ADAMTS3: variants seen among roughly 807,000 people sequenced by gnomAD.
The protein encoded by ADAMTS3 is ADAM metallopeptidase with thrombospondin type 1 motif 3, also known as A disintegrin and metalloproteinase with thrombospondin motifs 3.
A neutral mutation model predicts 129.0 loss-of-function variants in ADAMTS3; 73 were observed. That is an observed-to-expected ratio of 0.57 (90% confidence interval 0.47 to 0.69). The LOEUF (loss-of-function observed/expected upper bound fraction) is 0.69, where lower values mean the gene tolerates loss of function less well. Ranked by LOEUF, ADAMTS3 falls within the 30% of genes least tolerant of loss-of-function variation. The probability of loss-of-function intolerance (pLI) is 0.00; values close to 1 mark genes in which losing one functional copy is unlikely to be tolerated. For synonymous variants in ADAMTS3, 477 were observed against 510.8 expected (o/e 0.93, Z 0.89); for missense variants, 1,457 against 1,514.5 (o/e 0.96, Z 0.63).
At chr4:72,470,503 C>T (rs1249014601) in intron 3 of ADAMTS3, among the ~76,000 whole-genome samples, 1 of 150,988 alleles carries the variant, frequency 6.6e-6, no homozygotes, top group East Asian at 1.9e-4. Context: ...ATAATACACA[C>T]ACATTCTTAA....
intron 4 of ADAMTS3, among the ~76,000 whole-genome samples, chr4:72,366,499 ATTAT>A (rs1490355635): frequency 6.6e-6 from 1 of 152,168 alleles, no homozygotes; most frequent in African/African-American, 2.4e-5. Context: ...TGGAGATGTG[ATTAT>A]TTGTTTTCCC....
chr4:72,499,531 A>G (rs1214715024), intron 3 of ADAMTS3, among the ~76,000 whole-genome samples: 3 of 152,136 alleles, frequency 2.0e-5, no homozygotes, highest in Non-Finnish European at 4.4e-5. Flanking sequence ...TCAACTTCCT[A>G]TATTACACCG....
At chr4:72,477,998 G>T (rs1438389945) in intron 3 of ADAMTS3, among the ~76,000 whole-genome samples, 2 of 152,138 alleles carry the variant, frequency 1.3e-5, no homozygotes, top group South Asian at 2.1e-4. Context: ...CCAGGAAGAA[G>T]TTGAATCTCT....
intron 21 of ADAMTS3, among the ~76,000 whole-genome samples, chr4:72,283,936 A>G (rs1428994692): frequency 6.6e-6 from 1 of 152,166 alleles, no homozygotes; most frequent in African/African-American, 2.4e-5. Context: ...TAATATTTCC[A>G]CCAGGAGTCT....
chr4:72,460,994 T>G (rs942733592), intron 3 of ADAMTS3, among the ~76,000 whole-genome samples: 3 of 151,560 alleles, frequency 2.0e-5, no homozygotes, highest in African/African-American at 7.3e-5. Context: ...AAAGTAAAGG[T>G]TAAATACATT....
chr4:72,352,864 C>A (rs531558750), intron 4 of ADAMTS3, among the ~76,000 whole-genome samples: 1 of 152,022 alleles, frequency 6.6e-6, no homozygotes, highest in South Asian at 2.1e-4. Context: ...GAGGATGGAG[C>A]AAAACTAAGT....
intron 19 of ADAMTS3, 75 bp downstream of exon 19, chr4:72,295,574 AAAATC>A: frequency 6.9e-7 from 1 of 1,452,102 alleles, no homozygotes; most frequent in Non-Finnish European, 9.3e-7. Flanking sequence ...GACTGAAAAT[AAAATC>A]AAAACTAAAA....
chr4:72,536,855 T>C (rs1721196148), intron 3 of ADAMTS3, among the ~76,000 whole-genome samples: 1 of 152,202 alleles, frequency 6.6e-6, no homozygotes, highest in Non-Finnish European at 1.5e-5. Flanking sequence ...TTGGCCACTA[T>C]TCGTTTTCAT....
chr4:72,317,798 C>T (rs539914452), intron 10 of ADAMTS3, among the ~76,000 whole-genome samples: 14 of 152,152 alleles, frequency 9.2e-5, no homozygotes, highest in African/African-American at 1.7e-4. Flanking sequence ...GAGGCCAAGG[C>T]GGGCAGATCA....
chr4:72,301,798 G>A (rs1718956724), intron 17 of ADAMTS3, among the ~76,000 whole-genome samples: 1 of 151,944 alleles, frequency 6.6e-6, no homozygotes, highest in Admixed American at 6.6e-5. Flanking sequence ...TTCCTGACAA[G>A]GGCCAGGTTC....
intron 4 of ADAMTS3, among the ~76,000 whole-genome samples, chr4:72,403,401 T>C (rs77603277): frequency 0.045 from 6,793 of 152,072 alleles, 172 homozygotes; most frequent in Non-Finnish European, 0.052. Context: ...TGATTCCTTT[T>C]TACTCACACA....
At chr4:72,373,114 T>C (rs749737852) in intron 4 of ADAMTS3, among the ~76,000 whole-genome samples, 5 of 152,184 alleles carry the variant, frequency 3.3e-5, no homozygotes, top group African/African-American at 4.8e-5. Context: ...AAAAATTACA[T>C]GGAAACGGAA....
intron 3 of ADAMTS3, among the ~76,000 whole-genome samples, chr4:72,447,933 A>C (rs998055966): frequency 6.6e-6 from 1 of 151,764 alleles, no homozygotes; most frequent in Admixed American, 6.6e-5. Context: ...AATGCTACTT[A>C]CACAAAACTT....
intron 3 of ADAMTS3, among the ~76,000 whole-genome samples, chr4:72,496,204 G>C (rs145810078): frequency 6.6e-6 from 1 of 152,280 alleles, no homozygotes; most frequent in African/African-American, 2.4e-5. Flanking sequence ...ATAAAATCTG[G>C]AATGATTAAC....
At chr4:72,437,025 G>T (rs1364961289) in intron 3 of ADAMTS3, among the ~76,000 whole-genome samples, 3 of 151,354 alleles carry the variant, frequency 2.0e-5, no homozygotes, top group African/African-American at 7.3e-5. Flanking sequence ...AAAAAGAGGT[G>T]GTAGAGAAAT....
rs535681675 is a variant in ADAMTS3 at position 72,563,981 on chromosome 4, G to A, written c.97+3393C>T. 6.6e-5 allele frequency among the ~76,000 whole-genome samples: 10 copies of A among 152,196 alleles called. No individual in the cohort carries two copies. In the South Asian group the frequency reaches 1.9e-3, roughly 28 times the overall value. ...TGACTCACACTAAACCTTACAAACT[G>A]AAACCTGAAAATGGTGAAAAATTAT... On this transcript the variant is annotated intron_variant, in intron 2 of 21. Coordinates refer to ENST00000286657, the MANE Select transcript of ADAMTS3 (RefSeq NM_014243.3).
rs115690962 is a variant in ADAMTS3 at position 72,355,411 on chromosome 4, A to G, written c.662-15718T>C. Among the ~76,000 whole-genome samples, 946 of 152,130 alleles carry G rather than the reference A, an allele frequency of 6.2e-3. 16 individuals carry two copies. Among genetic ancestry groups the G allele is most frequent in the African/African-American group, 0.022 (907 of 41,540 alleles). ...TGTATTACATTTTTCCTCTTGTTCAATCGACATCAGAGAAAATTCTTGATA... is the reference window on the plus strand; with the variant it reads ...TGTATTACATTTTTCCTCTTGTTCAGTCGACATCAGAGAAAATTCTTGATA... On this transcript the variant is annotated intron_variant, in intron 4 of 21. Transcript: ENST00000286657.
chr4:72,482,713 C>T (rs1303591380), intron 3 of ADAMTS3, among the ~76,000 whole-genome samples: 1 of 152,006 alleles, frequency 6.6e-6, no homozygotes, highest in Non-Finnish European at 1.5e-5. Context: ...GAATCTATAA[C>T]TATCTCAAAA....
At chr4:72,541,092 A>G (rs1293830914) in intron 3 of ADAMTS3, among the ~76,000 whole-genome samples, 2 of 152,192 alleles carry the variant, frequency 1.3e-5, no homozygotes, top group African/African-American at 4.8e-5. Flanking sequence ...TCAGCCCATG[A>G]TAGCAGCTAG....
Sources: gnomAD v4.1 joint callset for allele counts (sites outside exome capture counted in the v4.1 genomes callset) on GRCh38, gnomAD v4.1.1 for gene constraint, MANE v1.5 for transcripts, NCBI Gene and HGNC (gene_info 2026-07-23, HGNC 2026-07-21) for gene names.